The following FGGY variants were observed in gnomAD, a reference collection of about 807,000 sequenced individuals.
The protein encoded by FGGY is FGGY carbohydrate kinase domain-containing protein.
Under a neutral mutation model 71.3 loss-of-function variants are expected in FGGY, and 72 were observed. The ratio of observed to expected loss-of-function variants is 1.01; its 90% CI spans 0.84 to 1.23. The LOEUF (loss-of-function observed/expected upper bound fraction) is 1.23. Among genes scored for constraint, FGGY ranks in the 50% most tolerant of loss-of-function variants. FGGY has a pLI of 0.00. For synonymous variants in FGGY, 251 were observed against 250.3 expected (o/e 1.00, Z -0.02); for missense variants, 668 against 682.3 (o/e 0.98, Z 0.23).
chr1:59,387,923 A>G (rs1272863606), intron 5 of FGGY, among the ~76,000 whole-genome samples: 1 of 152,194 alleles, frequency 6.6e-6, no homozygotes, highest in Non-Finnish European at 1.5e-5. Flanking sequence ...CCTGCTGTTA[A>G]GGATTCAGAG....
intron 6 of FGGY, among the ~76,000 whole-genome samples, chr1:59,494,560 A>G (rs905794808): frequency 5.3e-5 from 8 of 152,224 alleles, no homozygotes; most frequent in Non-Finnish European, 7.3e-5. Flanking sequence ...TTTCCTAGGT[A>G]TACAGAAAGC....
chr1:59,438,583 A>G (rs952901976), intron 5 of FGGY, among the ~76,000 whole-genome samples: 1 of 152,196 alleles, frequency 6.6e-6, no homozygotes, highest in Non-Finnish European at 1.5e-5. Context: ...CCACCAGGCA[A>G]TCAAAACTCA....
In FGGY at chr1:59,614,864, G is replaced by C. The variant is rs569033068; in HGVS notation, c.1011+6954G>C. On this transcript the variant is annotated intron_variant, in intron 9 of 15. Coordinates refer to ENST00000303721, the MANE Select transcript of FGGY (RefSeq NM_018291.5). ...TTCTTATACACCAATAACAGACAAA[G>C]AGAGAGCCAAATCATGAGTGAACTC... Among the ~76,000 whole-genome samples the C allele has an allele frequency of 9.5e-4, 144 of 152,016 alleles. 1 individual carries two copies. Among genetic ancestry groups the C allele is most frequent in the African/African-American group, 3.2e-3 (131 of 41,510 alleles).
At chr1:59,323,374 G>A (rs563752677) in intron 2 of FGGY, among the ~76,000 whole-genome samples, 5 of 152,316 alleles carry the variant, frequency 3.3e-5, no homozygotes, top group African/African-American at 9.6e-5. Context: ...GACATCTGTC[G>A]ATAGCAATGC....
chr1:59,720,187 A>G (rs559622533), intron 14 of FGGY, among the ~76,000 whole-genome samples: 1 of 152,268 alleles, frequency 6.6e-6, no homozygotes, highest in East Asian at 1.9e-4. Context: ...GAGATAGAAA[A>G]GGCAACAGGT....
chr1:59,440,235 T>TA (rs1330210090), intron 5 of FGGY, among the ~76,000 whole-genome samples: 2 of 151,900 alleles, frequency 1.3e-5, no homozygotes, highest in African/African-American at 2.4e-5. Flanking sequence ...CTAAAGGAGA[T>TA]AAAAAAGGAA....
At chr1:59,443,645 C>G (rs2070514852) in intron 5 of FGGY, among the ~76,000 whole-genome samples, 1 of 152,204 alleles carries the variant, frequency 6.6e-6, no homozygotes, top group Non-Finnish European at 1.5e-5. Flanking sequence ...CACCACTGTC[C>G]TTATACACAC....
intron 5 of FGGY, among the ~76,000 whole-genome samples, chr1:59,424,994 A>C (rs1233811128): frequency 6.6e-6 from 1 of 152,076 alleles, no homozygotes; most frequent in African/African-American, 2.4e-5. Flanking sequence ...TACATCTAGA[A>C]TCAAATTTGG....
At chr1:59,362,287 T>G (rs752825089) in intron 4 of FGGY, among the ~76,000 whole-genome samples, 1 of 152,154 alleles carries the variant, frequency 6.6e-6, no homozygotes, top group Non-Finnish European at 1.5e-5. Flanking sequence ...CTCTGTCCTT[T>G]CTCTTCCCTC....
chr1:59,672,660 C>G (rs2097391949), intron 13 of FGGY, among the ~76,000 whole-genome samples: 1 of 152,120 alleles, frequency 6.6e-6, no homozygotes, highest in Non-Finnish European at 1.5e-5. Flanking sequence ...TGCCCTTTTT[C>G]TCTGGGTAGC....
chr1:59,679,984 G>A (rs1573072842), intron 14 of FGGY, among the ~76,000 whole-genome samples: 1 of 152,148 alleles, frequency 6.6e-6, no homozygotes, highest in Non-Finnish European at 1.5e-5. Context: ...AATTGTTCAG[G>A]CAAAAAGTGT....
At chr1:59,757,756 A>G (rs995610977) in intron 14 of FGGY, among the ~76,000 whole-genome samples, 175 bp from the exon 15 acceptor site, 1 of 152,212 alleles carries the variant, frequency 6.6e-6, no homozygotes, top group African/African-American at 2.4e-5. Context: ...ACTGTGTTTT[A>G]TTCCTATTTT....
chr1:59,569,990 T>C (rs778314814), intron 8 of FGGY, among the ~76,000 whole-genome samples: 11 of 152,240 alleles, frequency 7.2e-5, no homozygotes, highest in Non-Finnish European at 1.3e-4. Flanking sequence ...GTCTGGTTCA[T>C]TGCAGAAGAG....
At chr1:59,726,242 G>T (rs537673871) in intron 14 of FGGY, among the ~76,000 whole-genome samples, 2 of 152,054 alleles carry the variant, frequency 1.3e-5, no homozygotes, top group African/African-American at 4.8e-5. Flanking sequence ...ACTGATTTTT[G>T]AATGTTGAAC....
At chr1:59,575,750 A>G (rs1169167941) in intron 8 of FGGY, among the ~76,000 whole-genome samples, 6 of 152,184 alleles carry the variant, frequency 3.9e-5, no homozygotes, top group African/African-American at 1.4e-4. Flanking sequence ...TAACCTTGCT[A>G]AACTTTCTTA....
intron 5 of FGGY, among the ~76,000 whole-genome samples, chr1:59,409,618 ATATAT>A (rs1557834392): frequency 6.7e-6 from 1 of 150,032 alleles, no homozygotes; most frequent in African/African-American, 2.5e-5. Flanking sequence ...ATATATATAT[ATATAT>A]AAACAGACAA....
chr1:59,329,851 A>G lies in FGGY; in HGVS notation c.201+8101A>G, dbSNP rs184805908. Among the ~76,000 whole-genome samples the G allele has an allele frequency of 9.0e-3, 1,373 of 152,354 alleles. 13 individuals are homozygous for G. The highest frequency in any genetic ancestry group is 0.014 in the Non-Finnish European group (950 of 68,028). On this transcript the variant is annotated intron_variant, in intron 2 of 15. Coordinates refer to ENST00000303721, the MANE Select transcript of FGGY (RefSeq NM_018291.5). ...ATTCACTTCCTCTTTTGCTCCAGCC[A>G]AATTTCAAGTGCTCAATAGCCACAT...
At chr1:59,362,797 A>C (rs551392499) in intron 4 of FGGY, among the ~76,000 whole-genome samples, 37 of 152,306 alleles carry the variant, frequency 2.4e-4, no homozygotes, top group African/African-American at 8.2e-4. Flanking sequence ...TTCTTCCTGC[A>C]TGTTTCATAT....
intron 14 of FGGY, among the ~76,000 whole-genome samples, chr1:59,680,271 T>G (rs2097483171): frequency 6.6e-6 from 1 of 152,104 alleles, no homozygotes; most frequent in Admixed American, 6.5e-5. Context: ...TTAAATAGAT[T>G]CAGATTACTG....
Sources: allele counts gnomAD v4.1 joint callset (sites outside exome capture counted in the v4.1 genomes callset), GRCh38; gene constraint gnomAD v4.1.1; transcripts MANE v1.5; gene names NCBI Gene and HGNC (gene_info 2026-07-23, HGNC 2026-07-21).